Variants in ADNP2 observed in about 807,000 individuals in gnomAD.
The protein encoded by ADNP2 is ADNP homeobox 2.
In ADNP2, 8 loss-of-function variants were observed where a neutral mutation model predicts 16.4. That is an observed-to-expected ratio of 0.49 (90% confidence interval 0.29 to 0.88). The LOEUF (loss-of-function observed/expected upper bound fraction) is 0.88. ADNP2 is among the 40% of genes least tolerant of loss of function. ADNP2 has a pLI of 0.09. For missense variants in ADNP2, 1,397 were observed against 1,395.1 expected (o/e 1.00, Z -0.02); for synonymous variants, 637 against 545.8 (o/e 1.17, Z -2.33).
chr18:80,135,371 G>C (rs967216005), intron 3 of ADNP2, among the ~76,000 whole-genome samples: 1 of 152,158 alleles, frequency 6.6e-6, no homozygotes, highest in African/African-American at 2.4e-5. Context: ...GGGGACTTTT[G>C]TACAACAATG....
In ADNP2 at chr18:80,137,982, G is replaced by A. The variant is rs1485764093; in HGVS notation, c.2569G>A (p.Val857Met). 3 of 1,613,232 alleles carry A rather than the reference G, an allele frequency of 1.9e-6. No homozygotes were observed. The African/African-American group carries it at 4.0e-5, about 22-fold the overall frequency. ...IHSKSLVPVYVKVRPQAEGTP... is the reference protein window; with the variant it reads ...IHSKSLVPVYMKVRPQAEGTP... ...CTCCAAGTCACTGGTGCCTGTGTATGTGAAGGTGAGGCCTCAGGCTGAGGG... is the reference window on the plus strand; with the variant it reads ...CTCCAAGTCACTGGTGCCTGTGTATATGAAGGTGAGGCCTCAGGCTGAGGG... The change falls in exon 4 of 4, where the codon GTG becomes ATG. Residue 857 changes from valine to methionine, a missense_variant. Val to Met is a conservative substitution (Grantham distance 21). Coordinates refer to ENST00000262198, the MANE Select transcript of ADNP2 (RefSeq NM_014913.4). The surrounding 1 kb of genome is among the most constrained non-coding windows in gnomAD (Gnocchi z 4.2).
At chr18:80,124,693 A>T (rs932177539) in intron 2 of ADNP2, among the ~76,000 whole-genome samples, 2 of 152,164 alleles carry the variant, frequency 1.3e-5, no homozygotes, top group African/African-American at 4.8e-5. Flanking sequence ...AAGTTAGCTG[A>T]AAGTCCCCCA....
rs888460789 is a variant in ADNP2, at chr18:80,138,328, C to G, written c.2915C>G (p.Ser972Cys). The change falls in exon 4 of 4, where the codon TCC becomes TGC. Residue 972 changes from serine (S) to cysteine (C), a missense_variant. Coordinates refer to ENST00000262198, the MANE Select transcript of ADNP2 (RefSeq NM_014913.4). Reference protein sequence around the residue: ...LLVSGEVMHDSSFSVKRKLPD... With the variant: ...LLVSGEVMHDCSFSVKRKLPD... ...GTCAGTGGTGAAGTGATGCATGATT[C>G]CAGTTTTTCTGTTAAGAGAAAGCTG... 1 of 1,614,132 alleles carries G rather than the reference C, an allele frequency of 6.2e-7. No homozygotes were observed.
chr18:80,123,603 A>C (rs1302246889), intron 2 of ADNP2, among the ~76,000 whole-genome samples: 1 of 152,106 alleles, frequency 6.6e-6, no homozygotes, highest in Non-Finnish European at 1.5e-5. Context: ...TCCCGACCTC[A>C]GGTGATCTGC....
At chr18:80,119,144 C>G (rs1191919540) in intron 2 of ADNP2, among the ~76,000 whole-genome samples, 1 of 152,112 alleles carries the variant, frequency 6.6e-6, no homozygotes, top group Non-Finnish European at 1.5e-5. Context: ...AGCTACTGCA[C>G]CAGCTGTTGT....
Position 80,138,591 on chromosome 18 carries a change from G to C in ADNP2, c.3178G>C (p.Asp1060His), listed in dbSNP as rs373960178. The change falls in exon 4 of 4, where the codon GAT becomes CAT. Residue 1060 changes from aspartate (D) to histidine (H), a missense_variant. Asp to His is a moderately conservative substitution (Grantham distance 81). This residue lies in a region of ADNP2 where 611 missense variants were observed against 648.7 expected (regional missense o/e 0.94). Coordinates refer to ENST00000262198, the MANE Select transcript of ADNP2 (RefSeq NM_014913.4). ...SYEEKKQFLK[D>H]YFHKKPYPSK... is the part of the protein sequence containing the mutation. ...TGAAGAAAAGAAGCAATTTCTTAAAGATTATTTCCATAAGAAACCATATCC... is the reference window on the plus strand; with the variant it reads ...TGAAGAAAAGAAGCAATTTCTTAAACATTATTTCCATAAGAAACCATATCC... 2 of 1,609,396 alleles carry C rather than the reference G, an allele frequency of 1.2e-6. No individual in the cohort carries two copies. Among genetic ancestry groups the C allele is most frequent in the Admixed American group, 3.4e-5 (2 of 58,828 alleles).
intron 1 of ADNP2, among the ~76,000 whole-genome samples, chr18:80,113,326 C>G (rs183502319): frequency 6.6e-6 from 1 of 152,022 alleles, no homozygotes; most frequent in East Asian, 1.9e-4. Flanking sequence ...GAAATTTATC[C>G]GCTTCAAAAC....
At chr18:80,110,208 G>T (rs1257605940) in intron 1 of ADNP2, among the ~76,000 whole-genome samples, 1 of 152,210 alleles carries the variant, frequency 6.6e-6, no homozygotes, top group Non-Finnish European at 1.5e-5. Flanking sequence ...CATTGAAATA[G>T]ATTCCGTTTA....
Position 80,117,955 on chromosome 18 carries a change from G to A in ADNP2, c.108+305G>A, listed in dbSNP as rs545654121. ...AAAACTAACTTAATTTCCCAGTATT[G>A]TTAGAGCAATCAACAAATGGGCATG... On this transcript the variant is annotated intron_variant, in intron 2 of 3. Transcript: ENST00000262198. Among the ~76,000 whole-genome samples the A allele has an allele frequency of 3.9e-5, 6 of 152,072 alleles. No individual in the cohort carries two copies. In the South Asian group the frequency reaches 6.2e-4, roughly 16 times the overall value.
intron 2 of ADNP2, among the ~76,000 whole-genome samples, chr18:80,124,676 G>A (rs1040885019): frequency 6.6e-6 from 1 of 152,052 alleles, no homozygotes; most frequent in African/African-American, 2.4e-5. Flanking sequence ...CCTTCTCCCT[G>A]CCCTGGAAGT....
chr18:80,109,711 CG>C (rs2052344550), intron 1 of ADNP2: 1 of 150,798 alleles, frequency 6.6e-6, no homozygotes, highest in Non-Finnish European at 1.5e-5. Flanking sequence ...CGGCCCGCCC[CG>C]CCCGCCGCCG....
At position 80,118,597 on chromosome 18, in the gene ADNP2, A is replaced by G. The variant is rs868127585; in HGVS notation, c.108+947A>G. ...TTAGTCTCCTTTTGAGGTCAATTCA[A>G]TCTTTTAAGGTGGAATTCTGTTAGG... is the stretch of plus-strand genomic sequence containing the variant. On this transcript the variant is annotated intron_variant, in intron 2 of 3. Transcript: ENST00000262198. Among the ~76,000 whole-genome samples, 47 of 152,088 alleles carry G rather than the reference A, an allele frequency of 3.1e-4. 1 individual carries two copies. The highest frequency in any genetic ancestry group is 4.1e-4 in the South Asian group (2 of 4,822).
intron 2 of ADNP2, among the ~76,000 whole-genome samples, chr18:80,130,871 T>C (rs1213656112): frequency 1.3e-5 from 2 of 152,144 alleles, no homozygotes; most frequent in African/African-American, 2.4e-5. Flanking sequence ...AAAAACAATT[T>C]TACAAAATAT....
intron 1 of ADNP2, among the ~76,000 whole-genome samples, chr18:80,112,743 A>G (rs1263875814): frequency 6.6e-6 from 1 of 152,154 alleles, no homozygotes; most frequent in East Asian, 1.9e-4. Flanking sequence ...GAATCAGCCA[A>G]TCCCCAATCA....
chr18:80,116,893 C>T lies in ADNP2; in HGVS notation c.-13-637C>T, dbSNP rs560252369. On this transcript the variant is annotated intron_variant, in intron 1 of 3. Coordinates refer to ENST00000262198, the MANE Select transcript of ADNP2 (RefSeq NM_014913.4). ...TCAAACAGTCTGCCTGATCTGTGTACCTCAGCCTCCTGAGCTGCTGGAATT... is the reference window on the plus strand; with the variant it reads ...TCAAACAGTCTGCCTGATCTGTGTATCTCAGCCTCCTGAGCTGCTGGAATT... 2.6e-5 allele frequency among the ~76,000 whole-genome samples: 4 copies of T among 152,304 alleles called. No homozygotes were observed. The South Asian group carries it at 8.3e-4, about 32-fold the overall frequency.
chr18:80,114,567 C>T (rs757927341), intron 1 of ADNP2, among the ~76,000 whole-genome samples: 1 of 152,194 alleles, frequency 6.6e-6, no homozygotes, highest in Non-Finnish European at 1.5e-5. Context: ...CAAGAACATT[C>T]TCCTACATAT....
chr18:80,110,714 T>G (rs1231447580), intron 1 of ADNP2, among the ~76,000 whole-genome samples: 1 of 152,146 alleles, frequency 6.6e-6, no homozygotes, highest in East Asian at 1.9e-4. Flanking sequence ...GTATTAATAT[T>G]TCGGTTAAAT....
At chr18:80,133,270 C>G (rs2052510382) in intron 3 of ADNP2, 78 bp downstream of exon 3, 14 of 1,171,032 alleles carry the variant, frequency 1.2e-5, no homozygotes, top group Non-Finnish European at 1.8e-5. Context: ...AAGAACATCA[C>G]ATGTATTGGG....
At chr18:80,133,499 G>C (rs2052511799) in intron 3 of ADNP2, among the ~76,000 whole-genome samples, 1 of 152,170 alleles carries the variant, frequency 6.6e-6, no homozygotes, top group South Asian at 2.1e-4. Context: ...AAAACAAAAT[G>C]CCACTACATT....
Sources: allele counts gnomAD v4.1 joint callset (sites outside exome capture counted in the v4.1 genomes callset), GRCh38; gene constraint gnomAD v4.1.1; regional missense constraint gnomAD v4.1.1; non-coding constraint Gnocchi (gnomAD v3.1); transcripts MANE v1.5; gene names NCBI Gene and HGNC (gene_info 2026-07-23, HGNC 2026-07-21).